The following ATP6V0D1 variants were observed in gnomAD, a reference collection of about 807,000 sequenced individuals.
ATP6V0D1 encodes ATPase H+ transporting V0 subunit d1, also known as V-type proton ATPase subunit d 1.
Under a neutral mutation model 39.0 loss-of-function variants are expected in ATP6V0D1, and 13 were observed. The ratio of observed to expected loss-of-function variants is 0.33; its 90% CI spans 0.22 to 0.53. The LOEUF (loss-of-function observed/expected upper bound fraction) is 0.53, where lower values mean the gene tolerates loss of function less well. Among genes scored for constraint, ATP6V0D1 ranks in the 20% least tolerant of loss-of-function variants. ATP6V0D1 has a pLI of 0.94. For synonymous variants in ATP6V0D1, 191 were observed against 191.2 expected, an observed-to-expected ratio of 1.00 and a Z score of 0.01; for missense variants, 272 against 470.9, an observed-to-expected ratio of 0.58 and a Z score of 3.91.
At chr16:67,479,819 C>G (rs2041449378) in intron 1 of ATP6V0D1, among the ~76,000 whole-genome samples, 1 of 152,186 alleles carries the variant, frequency 6.6e-6, no homozygotes, top group Admixed American at 6.5e-5. Context: ...CCCTTCCCTT[C>G]CCTACCACCT....
intron 1 of ATP6V0D1, among the ~76,000 whole-genome samples, chr16:67,476,743 G>A (rs1406316030): frequency 1.3e-5 from 2 of 152,114 alleles, no homozygotes; most frequent in Middle Eastern, 3.4e-3. Flanking sequence ...CCCAATAGAG[G>A]TACAAACATT....
At chr16:67,479,176 C>T (rs1465801143) in intron 1 of ATP6V0D1, among the ~76,000 whole-genome samples, 1 of 151,760 alleles carries the variant, frequency 6.6e-6, no homozygotes, top group Non-Finnish European at 1.5e-5. Context: ...TGCAGATGTA[C>T]GTTAACATCA....
At chr16:67,465,988 C>T (rs1188806776) in intron 1 of ATP6V0D1, among the ~76,000 whole-genome samples, 2 of 152,126 alleles carry the variant, frequency 1.3e-5, no homozygotes, top group Admixed American at 1.3e-4. Flanking sequence ...TGGCGCACCC[C>T]CTTGTGGTGG....
rs1049660515 is a variant in ATP6V0D1 at position 67,438,699 on chromosome 16, C to T, written c.895-10G>A. 1.4e-5 allele frequency: 23 copies of T among 1,614,102 alleles called. No individual in the cohort carries two copies. Among genetic ancestry groups the T allele is most frequent in the Middle Eastern group, 1.6e-4 (1 of 6,084 alleles). On this transcript the variant is annotated splice_polypyrimidine_tract_variant and intron_variant, in intron 7 of 7. Coordinates refer to ENST00000290949, the MANE Select transcript of ATP6V0D1 (RefSeq NM_004691.5). ...ACTTGTTCAGCTTTACCTGTGGACA[C>T]GGGCAGATGTGGTGTCCAGGTGGCC... is the stretch of plus-strand genomic sequence containing the variant.
At chr16:67,459,527 T>C (rs1284492095) in intron 1 of ATP6V0D1, among the ~76,000 whole-genome samples, 1 of 152,152 alleles carries the variant, frequency 6.6e-6, no homozygotes, top group Non-Finnish European at 1.5e-5. Context: ...TAGCCCTTGA[T>C]TAATAGGAGG....
In ATP6V0D1 at chr16:67,453,799, C is replaced by T. The variant is rs1219798070; in HGVS notation, c.131-84G>A. On this transcript the variant is annotated intron_variant, in intron 1 of 7. Coordinates refer to ENST00000290949, the MANE Select transcript of ATP6V0D1 (RefSeq NM_004691.5). This position sits in a 1 kb window ranked among gnomAD's most constrained non-coding sequence, Gnocchi z 4.1. ...AGTCCCCATCCCCACCCCAACTCAG[C>T]CCCAGCTCTCCCCTGCAGTTGTGTC... The T allele has an allele frequency of 7.7e-7, 1 of 1,305,694 alleles. No individual in the cohort carries two copies. The highest frequency in any genetic ancestry group is 1.3e-5 in the South Asian group (1 of 76,856). The allele number at this position is 1,305,694 out of a possible 1,614,324, so 80.9% of individuals were successfully genotyped here.
At chr16:67,470,018 A>G (rs2041360283) in intron 1 of ATP6V0D1, among the ~76,000 whole-genome samples, 1 of 152,194 alleles carries the variant, frequency 6.6e-6, no homozygotes. Context: ...ATCAGCCCTT[A>G]TGGAACTTCA....
intron 1 of ATP6V0D1, among the ~76,000 whole-genome samples, chr16:67,465,450 T>A (rs1259079661): frequency 6.6e-6 from 1 of 152,168 alleles, no homozygotes; most frequent in Admixed American, 6.5e-5. Context: ...GAGGCCAGGG[T>A]GGCAAGACAA....
At chr16:67,445,003 A>G (rs1184955572) in intron 2 of ATP6V0D1, among the ~76,000 whole-genome samples, 4 of 152,208 alleles carry the variant, frequency 2.6e-5, no homozygotes, top group Admixed American at 1.3e-4. Flanking sequence ...CAGCATGAAC[A>G]GTGTTCTAAC....
chr16:67,455,063 G>GC (rs2041224144), intron 1 of ATP6V0D1: 1 of 152,302 alleles, frequency 6.6e-6, no homozygotes, highest in Non-Finnish European at 1.5e-5. Flanking sequence ...CAGTACCAAG[G>GC]ACAGTGGCTG....
chr16:67,457,940 C>T (rs550769223), intron 1 of ATP6V0D1, among the ~76,000 whole-genome samples: 15 of 152,296 alleles, frequency 9.8e-5, no homozygotes, highest in African/African-American at 3.4e-4. Context: ...TACCAGGAAA[C>T]TTATTTTTTA....
intron 1 of ATP6V0D1, among the ~76,000 whole-genome samples, chr16:67,478,328 A>G (rs1196518733): frequency 6.6e-6 from 1 of 152,196 alleles, no homozygotes. Flanking sequence ...AATGTGTGTG[A>G]ATGGCCAAGC....
At chr16:67,472,639 G>A (rs1455401668) in intron 1 of ATP6V0D1, among the ~76,000 whole-genome samples, 4 of 152,156 alleles carry the variant, frequency 2.6e-5, no homozygotes, top group African/African-American at 4.8e-5. Context: ...ATGCCAAGAC[G>A]GGAGGATCAC....
chr16:67,446,414 G>A (rs1465011872), intron 2 of ATP6V0D1, among the ~76,000 whole-genome samples: 2 of 152,224 alleles, frequency 1.3e-5, no homozygotes, highest in South Asian at 2.1e-4. Context: ...GCTACAGGAT[G>A]TGCACTGAGA....
chr16:67,455,896 T>C (rs901025339), intron 1 of ATP6V0D1: 1 of 152,234 alleles, frequency 6.6e-6, no homozygotes, highest in Non-Finnish European at 1.5e-5. Flanking sequence ...CTGTAATTGA[T>C]GGTCATTGCT....
rs1000447396 is a variant in ATP6V0D1 at position 67,444,935 on chromosome 16, G to A, written c.303-229C>T. ...TAGGACAGACACAGGCCCCCCAAAC[G>A]GGCGGGGGCAGGGGATTCATGCCCT... is the stretch of plus-strand genomic sequence containing the variant. On this transcript the variant is annotated intron_variant, in intron 2 of 7. Coordinates refer to ENST00000290949, the MANE Select transcript of ATP6V0D1 (RefSeq NM_004691.5). This position sits in a 1 kb window ranked among gnomAD's most constrained non-coding sequence, Gnocchi z 4.8. Among the ~76,000 whole-genome samples, 4 of 152,138 alleles carry A rather than the reference G, an allele frequency of 2.6e-5. No homozygotes were observed. The highest frequency in any genetic ancestry group is 4.8e-5 in the African/African-American group (2 of 41,434).
In ATP6V0D1 at chr16:67,453,742, GC is replaced by G. The variant is rs2041207855; in HGVS notation, c.131-28del. The G allele has an allele frequency of 6.2e-7, 1 of 1,608,214 alleles. No homozygotes were observed. Among genetic ancestry groups the G allele is most frequent in the African/African-American group, 1.3e-5 (1 of 74,840 alleles). The stretch of plus-strand genomic sequence containing the variant: ...TGAAACCCAAGGGTAGGGGGTAAGG[GC>G]TAGCCTTGCTGGGCCTCCCCAAGGG... On this transcript the variant is annotated intron_variant, in intron 1 of 7. Transcript: ENST00000290949. This position sits in a 1 kb window ranked among gnomAD's most constrained non-coding sequence, Gnocchi z 4.1.
chr16:67,460,956 C>A (rs2041284792), intron 1 of ATP6V0D1, among the ~76,000 whole-genome samples: 1 of 152,236 alleles, frequency 6.6e-6, no homozygotes, highest in South Asian at 2.1e-4. Flanking sequence ...CTTGTGGAAT[C>A]TCTCTGGAAC....
intron 1 of ATP6V0D1, among the ~76,000 whole-genome samples, chr16:67,473,224 G>C (rs1395751630): frequency 1.3e-5 from 2 of 152,166 alleles, no homozygotes; most frequent in East Asian, 1.9e-4. Flanking sequence ...TGGGGCTGGG[G>C]GGGGTGGCGC....
Sources: gnomAD v4.1 joint callset for allele counts (sites outside exome capture counted in the v4.1 genomes callset) on GRCh38, gnomAD v4.1.1 for gene constraint, Gnocchi (gnomAD v3.1) non-coding constraint, MANE v1.5 for transcripts, NCBI Gene and HGNC (gene_info 2026-07-23, HGNC 2026-07-21) for gene names.